FGD5: variants seen among roughly 807,000 people sequenced by gnomAD.
FGD5 encodes FYVE, RhoGEF and PH domain-containing protein 5.
A neutral mutation model predicts 133.4 loss-of-function variants in FGD5; 28 were observed. That is an observed-to-expected ratio of 0.21 (90% confidence interval 0.16 to 0.29). The LOEUF is 0.29. Among genes scored for constraint, FGD5 ranks in the 10% least tolerant of loss-of-function variants. FGD5 has a pLI of 1.00. For missense variants in FGD5, 1,858 were observed against 1,895.2 expected, an observed-to-expected ratio of 0.98 and a Z score of 0.36; for synonymous variants, 810 against 776.5, an observed-to-expected ratio of 1.04 and a Z score of -0.72.
upstream of FGD5, among the ~76,000 whole-genome samples, chr3:14,817,409 T>A (rs1215612966): frequency 6.6e-6 from 1 of 152,198 alleles, no homozygotes; most frequent in Non-Finnish European, 1.5e-5. Flanking sequence ...TTGACCAGGC[T>A]GGTCTCGAAC....
At chr3:14,837,156 A>G (rs1575198044) in intron 1 of FGD5, among the ~76,000 whole-genome samples, 1 of 151,478 alleles carries the variant, frequency 6.6e-6, no homozygotes, top group African/African-American at 2.4e-5. Flanking sequence ...GGTGGTGCCA[A>G]GACTCCCAGC....
At chr3:14,850,309 G>A (rs2037134533) in intron 1 of FGD5, among the ~76,000 whole-genome samples, 1 of 152,232 alleles carries the variant, frequency 6.6e-6, no homozygotes, top group Non-Finnish European at 1.5e-5. Flanking sequence ...GAACCTGTGG[G>A]AGAACCAGAT....
intron 1 of FGD5, among the ~76,000 whole-genome samples, chr3:14,855,075 C>CT (rs985359339): frequency 4.6e-5 from 7 of 151,974 alleles, no homozygotes; most frequent in African/African-American, 1.5e-4. Flanking sequence ...ATGAGGTTAG[C>CT]TTTTTTTTAG....
intron 2 of FGD5, among the ~76,000 whole-genome samples, chr3:14,870,982 A>T (rs1378853663): frequency 6.6e-6 from 1 of 152,228 alleles, no homozygotes; most frequent in East Asian, 1.9e-4. Flanking sequence ...CATGCAAGAT[A>T]CAAAACGAGT....
intron 10 of FGD5, 29 bp from the exon 11 acceptor site, chr3:14,910,832 A>T: frequency 6.2e-7 from 1 of 1,607,146 alleles, no homozygotes; most frequent in Non-Finnish European, 8.5e-7. Flanking sequence ...CATCAGCCTG[A>T]CCGCCAAGTT....
At chr3:14,927,897 TGGGACCACAAGTGTGTGACGCCA>T (rs1237294610) in intron 18 of FGD5, among the ~76,000 whole-genome samples, 1 of 151,424 alleles carries the variant, frequency 6.6e-6, no homozygotes, top group African/African-American at 2.4e-5. Flanking sequence ...CCCAAGAAGC[TGGGACCACAAGTGTGTGACGCCA>T]GGCCTAGCTA....
chr3:14,823,289 C>T (rs1471582433), intron 1 of FGD5, among the ~76,000 whole-genome samples: 1 of 152,162 alleles, frequency 6.6e-6, no homozygotes, highest in African/African-American at 2.4e-5. Flanking sequence ...CAGGTGCTTA[C>T]CCAGTGTACT....
At chr3:14,844,240 A>G (rs2036995930) in intron 1 of FGD5, among the ~76,000 whole-genome samples, 1 of 44,004 alleles carries the variant, frequency 2.3e-5, no homozygotes, top group Non-Finnish European at 4.3e-5. Context: ...ATATATATAT[A>G]TATATATATA....
At chr3:14,911,257 A>T (rs2038443600) in intron 11 of FGD5, among the ~76,000 whole-genome samples, 2 of 152,132 alleles carry the variant, frequency 1.3e-5, no homozygotes, top group African/African-American at 4.8e-5. Context: ...TCCCAGGGGG[A>T]TGGTGGCAGA....
chr3:14,892,787 C>T (rs2038055254), intron 4 of FGD5, among the ~76,000 whole-genome samples: 1 of 151,102 alleles, frequency 6.6e-6, no homozygotes, highest in Admixed American at 6.6e-5. Context: ...CCATTGCACT[C>T]CAGACTGGGC....
intron 7 of FGD5, 85 bp from the exon 8 acceptor site, chr3:14,900,318 T>A: frequency 7.3e-7 from 1 of 1,374,168 alleles, no homozygotes; most frequent in Admixed American, 1.9e-5. Flanking sequence ...CTTCCAACTC[T>A]GGCAAGAGAG....
At chr3:14,931,566 T>C (rs989114265) in intron 18 of FGD5, 2 of 152,262 alleles carry the variant, frequency 1.3e-5, no homozygotes, top group African/African-American at 4.8e-5. Context: ...ATTATATCTC[T>C]TTATGTGTTT....
chr3:14,846,106 A>T (rs2037046569), intron 1 of FGD5, among the ~76,000 whole-genome samples: 1 of 152,210 alleles, frequency 6.6e-6, no homozygotes, highest in Non-Finnish European at 1.5e-5. Flanking sequence ...TGTCGGAATT[A>T]TCTCCCAAGT....
intron 11 of FGD5, among the ~76,000 whole-genome samples, chr3:14,913,884 A>G (rs952747315): frequency 2.0e-5 from 3 of 151,850 alleles, no homozygotes; most frequent in African/African-American, 7.3e-5. Flanking sequence ...AAGCCTAGCC[A>G]CCACCCCCGT....
intron 18 of FGD5, among the ~76,000 whole-genome samples, chr3:14,930,052 T>C (rs1221814678): frequency 6.6e-6 from 1 of 152,238 alleles, no homozygotes; most frequent in East Asian, 1.9e-4. Context: ...TGAGGTTCCT[T>C]TTTTTCATTA....
intron 1 of FGD5, 101 bp downstream of exon 1, chr3:14,821,697 C>G: frequency 7.1e-7 from 1 of 1,418,132 alleles, no homozygotes; most frequent in Non-Finnish European, 9.2e-7. Flanking sequence ...GCCTCAGGCT[C>G]TGTTTCTTAC....
At chr3:14,844,272 A>ATATATATATAT (rs2037000632) in intron 1 of FGD5, among the ~76,000 whole-genome samples, 7 of 92,824 alleles carry the variant, frequency 7.5e-5, no homozygotes, top group Admixed American at 1.3e-4. Flanking sequence ...ATATATATAT[A>ATATATATATAT]ATGCAGGTTT....
At chr3:14,869,370 A>G (rs2037561302) in intron 2 of FGD5, among the ~76,000 whole-genome samples, 1 of 152,128 alleles carries the variant, frequency 6.6e-6, no homozygotes, top group South Asian at 2.1e-4. Context: ...AGCTCCTGGG[A>G]TTGGGGGTGG....
intron 2 of FGD5, among the ~76,000 whole-genome samples, chr3:14,867,330 A>G (rs1399570304): frequency 6.6e-6 from 1 of 152,176 alleles, no homozygotes; most frequent in African/African-American, 2.4e-5. Context: ...TCTGAGTTAA[A>G]TGTTTTTCTG....
Sources: gnomAD v4.1 joint callset for allele counts (sites outside exome capture counted in the v4.1 genomes callset) on GRCh38, gnomAD v4.1.1 for gene constraint, MANE v1.5 for transcripts, NCBI Gene and HGNC (gene_info 2026-07-23, HGNC 2026-07-21) for gene names.